The following LARP1B variants were observed in gnomAD, a reference collection of about 807,000 sequenced individuals.
The protein encoded by LARP1B is La ribonucleoprotein 1B, also known as la-related protein 1B.
In LARP1B, 76 loss-of-function variants were observed where a neutral mutation model predicts 114.2. The ratio of observed to expected loss-of-function variants is 0.67; its 90% confidence interval spans 0.55 to 0.81. LARP1B has a LOEUF of 0.81. Ranked by LOEUF, LARP1B falls within the 30% of genes least tolerant of loss-of-function variation. The pLI is 0.00. For synonymous variants in LARP1B, 345 were observed against 348.0 expected, an observed-to-expected ratio of 0.99 and a Z score of 0.10; for missense variants, 1,014 against 1,075.8, an observed-to-expected ratio of 0.94 and a Z score of 0.80.
chr4:128,108,591 C>A, intron 9 of LARP1B: 1 of 985,454 alleles, frequency 1.0e-6, no homozygotes, highest in South Asian at 4.7e-5. Context: ...TGCTTCTAAT[C>A]CCAGTAAGCA....
intron 9 of LARP1B, among the ~76,000 whole-genome samples, chr4:128,114,217 C>T (rs958527400): frequency 6.6e-6 from 1 of 152,126 alleles, no homozygotes; most frequent in Non-Finnish European, 1.5e-5. Context: ...ACTGAGATGC[C>T]ATAATTTCCT....
chr4:128,091,245 G>C, intron 6 of LARP1B, 101 bp downstream of exon 6: 1 of 1,525,268 alleles, frequency 6.6e-7, no homozygotes, highest in Non-Finnish European at 8.9e-7. Flanking sequence ...TCTGATAATA[G>C]ATGGTTTTAT....
chr4:128,065,254 T>TCTTTCC (rs1762002951), intron 1 of LARP1B, among the ~76,000 whole-genome samples: 3 of 42,134 alleles, frequency 7.1e-5, no homozygotes, highest in African/African-American at 1.7e-4. Flanking sequence ...CCACAATTAA[T>TCTTTCC]TTCTTTCTTT....
chr4:128,066,165 C>CTTTTT lies in LARP1B; in HGVS notation c.-78+4781_-78+4785dup, dbSNP rs59927866. Among the ~76,000 whole-genome samples, 901 of 99,102 alleles carry CTTTTT rather than the reference C, an allele frequency of 9.1e-3. 1 individual carries two copies. Among genetic ancestry groups the CTTTTT allele is most frequent in the Non-Finnish European group, 0.01 (541 of 53,048 alleles). The allele number at this position is 99,102 out of a possible 152,430, so 65.0% of individuals were successfully genotyped here. A position where few individuals can be genotyped will look rare whatever the true frequency, so the allele number is the denominator to read the frequency against. On this transcript the variant is annotated intron_variant, in intron 1 of 19. Transcript: ENST00000326639. ...CTATTGTCTATTTTCTTTCTTTCTT[C>CTTTTT]TTTTTTTTTTTTTTTTTTTTTGTTA...
chr4:128,075,187 A>G (rs1345546310), intron 3 of LARP1B, among the ~76,000 whole-genome samples, 194 bp downstream of exon 3: 1 of 151,072 alleles, frequency 6.6e-6, no homozygotes, highest in African/African-American at 2.4e-5. Context: ...TTGTAGCCTC[A>G]AACTGCTAGG....
intron 15 of LARP1B, among the ~76,000 whole-genome samples, chr4:128,188,629 A>G (rs1457573215): frequency 1.3e-5 from 2 of 152,188 alleles, no homozygotes; most frequent in East Asian, 3.9e-4. Flanking sequence ...TGATGTAGGC[A>G]TTTATTGCTA....
intron 19 of LARP1B, among the ~76,000 whole-genome samples, chr4:128,208,683 T>C (rs1427162013): frequency 6.6e-6 from 1 of 152,208 alleles, no homozygotes; most frequent in Non-Finnish European, 1.5e-5. Flanking sequence ...TACTAGTTCA[T>C]TGGTGTCCAG....
chr4:128,094,171 G>A (rs983496667), intron 7 of LARP1B, among the ~76,000 whole-genome samples: 9 of 149,516 alleles, frequency 6.0e-5, no homozygotes, highest in African/African-American at 1.5e-4. Context: ...GTGATCCGCC[G>A]TCCTCGGCCT....
Position 128,185,679 on chromosome 4 carries a change from T to A in LARP1B, c.2003+6167T>A, listed in dbSNP as rs538915193. 2.0e-5 allele frequency among the ~76,000 whole-genome samples: 3 copies of A among 152,280 alleles called. No individual in the cohort carries two copies. The South Asian group carries it at 6.2e-4, about 32-fold the overall frequency. On this transcript the variant is annotated intron_variant, in intron 15 of 19. Transcript: ENST00000326639. ...ATTCCTTCATGTGCTGTGCAGAAAC[T>A]TTTTTGCTTGATATAATCTCATTAG...
In LARP1B at chr4:128,176,919, G is replaced by T. The variant is rs764209639; in HGVS notation, c.1684+12G>T. Reference sequence around the variant, plus strand: ...CATTCCCAAGAAAGGTAACATCTGTGGTGGGTATTAAAGGGAGGCTATGAT... The same window carrying T: ...CATTCCCAAGAAAGGTAACATCTGTTGTGGGTATTAAAGGGAGGCTATGAT... On this transcript the variant is annotated intron_variant, in intron 13 of 19. Coordinates refer to ENST00000326639, the MANE Select transcript of LARP1B (RefSeq NM_018078.4). 6.2e-7 allele frequency: 1 copy of T among 1,613,006 alleles called. No homozygotes were observed. Among genetic ancestry groups the T allele is most frequent in the Middle Eastern group, 1.6e-4 (1 of 6,062 alleles).
chr4:128,100,571 C>G (rs1779961228), intron 8 of LARP1B, among the ~76,000 whole-genome samples: 1 of 151,680 alleles, frequency 6.6e-6, no homozygotes, highest in South Asian at 2.1e-4. Context: ...CACGCCTGGA[C>G]TCATTGTGGT....
In LARP1B at chr4:128,125,614, G is replaced by A. The variant is rs186873335; in HGVS notation, c.1524+3426G>A. ...ACAAAAATTAGCTGGACATGGTGGC[G>A]CGTGCCTGTAGTCCCAGCTACTCGG... On this transcript the variant is annotated intron_variant, in intron 11 of 19. Coordinates refer to ENST00000326639, the MANE Select transcript of LARP1B (RefSeq NM_018078.4). Among the ~76,000 whole-genome samples, 201 of 152,246 alleles carry A rather than the reference G, an allele frequency of 1.3e-3. 1 individual carries two copies. Among genetic ancestry groups the A allele is most frequent in the Non-Finnish European group, 2.2e-3 (151 of 68,012 alleles).
intron 15 of LARP1B, among the ~76,000 whole-genome samples, chr4:128,185,641 C>A (rs901134412): frequency 5.9e-5 from 9 of 151,484 alleles, no homozygotes; most frequent in African/African-American, 2.2e-4. Flanking sequence ...TAGGTTGTCT[C>A]TTCACTTTGT....
intron 15 of LARP1B, among the ~76,000 whole-genome samples, chr4:128,187,518 A>G (rs1214190319): frequency 2.0e-5 from 3 of 152,168 alleles, no homozygotes; most frequent in East Asian, 1.9e-4. Context: ...CCTCCATTGT[A>G]TCTTGGAAGT....
rs1334976184 is a variant in LARP1B, at chr4:128,082,160, TC to T, written c.218-4del. On this transcript the variant is annotated splice_polypyrimidine_tract_variant and splice_region_variant and intron_variant, in intron 4 of 19. Transcript: ENST00000326639. The stretch of plus-strand genomic sequence containing the variant: ...TTGTCCTTAAATGATTTTGTTTTCT[TC>T]AAGCTAATAAGCACAAGTGGGTACC... 2 of 1,607,532 alleles carry T rather than the reference TC, an allele frequency of 1.2e-6. No individual in the cohort carries two copies.
At chr4:128,219,759 A>G (rs1414423767) in intron 6 of LARP1B, among the ~76,000 whole-genome samples, 1 of 151,072 alleles carries the variant, frequency 6.6e-6, no homozygotes, top group African/African-American at 2.4e-5. Context: ...ACTAACCTGC[A>G]CAATGTGCAC....
chr4:128,220,379 C>A, exon 7 of LARP1B: 2 of 962,610 alleles, frequency 2.1e-6, no homozygotes, highest in Non-Finnish European at 2.5e-6. Flanking sequence ...AGAGTAATAC[C>A]TAATTATATC....
chr4:128,209,735 A>C, intron 19 of LARP1B, 121 bp from the exon 20 acceptor site: 1 of 774,256 alleles, frequency 1.3e-6, no homozygotes, highest in Non-Finnish European at 2.1e-6. Flanking sequence ...AAAAAAAAAA[A>C]AAAAAAAATT....
At chr4:128,180,333 G>A (rs879801327) in intron 15 of LARP1B, among the ~76,000 whole-genome samples, 1 of 152,084 alleles carries the variant, frequency 6.6e-6, no homozygotes, top group Non-Finnish European at 1.5e-5. Flanking sequence ...TGAAAACTTT[G>A]GGAAAATATG....
Sources: gnomAD v4.1 joint callset for allele counts (sites outside exome capture counted in the v4.1 genomes callset) on GRCh38, gnomAD v4.1.1 for gene constraint, MANE v1.5 for transcripts, NCBI Gene and HGNC (gene_info 2026-07-23, HGNC 2026-07-21) for gene names.